The following LYG1 variants were observed in gnomAD, a reference collection of about 807,000 sequenced individuals.
The protein encoded by LYG1 is lysozyme g1, also known as lysozyme g-like protein 1.
A neutral mutation model predicts 21.7 loss-of-function variants in LYG1; 17 were observed. The observed-to-expected ratio is 0.78, with a 90% CI of 0.54 to 1.18. The LOEUF is 1.18. Ranked by LOEUF, LYG1 falls within the 50% of genes most tolerant of loss-of-function variation. LYG1 has a pLI of 0.00. For synonymous variants in LYG1, 81 were observed against 87.4 expected (o/e 0.93, Z 0.41); for missense variants, 211 against 238.1 (o/e 0.89, Z 0.75).
At chr2:99,296,723 G>A (rs1470250590) in intron 2 of LYG1, among the ~76,000 whole-genome samples, 1 of 152,166 alleles carries the variant, frequency 6.6e-6, no homozygotes, top group Non-Finnish European at 1.5e-5. Flanking sequence ...ATTACATGTA[G>A]GAATGTGCAT....
chr2:99,291,221 AC>A lies in LYG1; in HGVS notation c.333+15del, dbSNP rs1250148364. Reference sequence around the variant, plus strand: ...CATAGCAGAATGGCCACATGTGTCAACGGATGAAGAGTTACCTGCACCATGC... The same window carrying A: ...CATAGCAGAATGGCCACATGTGTCAAGGATGAAGAGTTACCTGCACCATGC... On this transcript the variant is annotated intron_variant, in intron 5 of 6. Transcript: ENST00000308528. The A allele has an allele frequency of 6.2e-7, 1 of 1,610,744 alleles. No individual in the cohort carries two copies. The highest frequency in any genetic ancestry group is 8.5e-7 in the Non-Finnish European group (1 of 1,177,870).
chr2:99,293,908 CTT>C (rs1491117310), intron 3 of LYG1, among the ~76,000 whole-genome samples: 1 of 151,944 alleles, frequency 6.6e-6, no homozygotes. Flanking sequence ...TTAGATTACT[CTT>C]TAATTAATTA....
Position 99,298,717 on chromosome 2 carries a change from G to A in LYG1, c.-123-168C>T, listed in dbSNP as rs140151271. On this transcript the variant is annotated intron_variant, in intron 1 of 6. Transcript: ENST00000308528. Reference sequence around the variant, plus strand: ...TAACACCTCAACGTGCCCAATGAAGGTGCCCCTGCCCCATTGTGGTGTCCC... The same window carrying A: ...TAACACCTCAACGTGCCCAATGAAGATGCCCCTGCCCCATTGTGGTGTCCC... 2.3e-3 allele frequency among the ~76,000 whole-genome samples: 348 copies of A among 152,102 alleles called. 4 individuals are homozygous for A. Among genetic ancestry groups the A allele is most frequent in the African/African-American group, 8.1e-3 (338 of 41,480 alleles).
rs771099674 is a variant in LYG1, at chr2:99,291,291, C to G, written c.279G>C (p.Lys93Asn). The change falls in exon 5 of 7, where the codon AAG (lysine) becomes AAC (asparagine). Residue 93 changes from lysine to asparagine, a missense_variant. Transcript: ENST00000308528. ...TGACCAGAATTTTGTCACCGGGAGACTTCCTGGACAAGACACCAGCGATCA... is the reference window on the plus strand; with the variant it reads ...TGACCAGAATTTTGTCACCGGGAGAGTTCCTGGACAAGACACCAGCGATCA... The part of the protein sequence containing the change: ...PAVIAGVLSR[K>N]SPGDKILVNM... The G allele has an allele frequency of 1.9e-6, 3 of 1,613,414 alleles. No individual in the cohort carries two copies. The African/African-American group carries it at 4.0e-5, about 22-fold the overall frequency.
chr2:99,285,595 G>A lies in LYG1; in HGVS notation c.334-775C>T, dbSNP rs540653981. On this transcript the variant is annotated intron_variant, in intron 5 of 6. Transcript: ENST00000308528. ...CACAACAATAGCGCATGTGCATCCC[G>A]GAGACCCTGAAACATGCTTAACAGC... Among the ~76,000 whole-genome samples the A allele has an allele frequency of 3.8e-4, 58 of 152,240 alleles. No individual in the cohort carries two copies. The South Asian group carries it at 0.011, about 28-fold the overall frequency.
At chr2:99,295,919 C>G (rs1199113912) in intron 2 of LYG1, among the ~76,000 whole-genome samples, 1 of 152,018 alleles carries the variant, frequency 6.6e-6, no homozygotes, top group Non-Finnish European at 1.5e-5. Flanking sequence ...AAGACTCTTA[C>G]TCAGCCCACA....
chr2:99,299,575 C>A (rs1338851916), intron 1 of LYG1, among the ~76,000 whole-genome samples: 1 of 150,828 alleles, frequency 6.6e-6, no homozygotes, highest in Non-Finnish European at 1.5e-5. Flanking sequence ...CAGCCCTGTG[C>A]CACCACGCCC....
Position 99,284,459 on chromosome 2 carries a change from G to A in LYG1, c.519C>T (p.Asp173=). 1 of 1,614,176 alleles carries A rather than the reference G, an allele frequency of 6.2e-7. No individual in the cohort carries two copies. Among genetic ancestry groups the A allele is most frequent in the Non-Finnish European group, 8.5e-7 (1 of 1,180,028 alleles). The change falls in exon 7 of 7, where the codon GAC becomes GAT. Residue 173 remains aspartate, a synonymous_variant. Transcript: ENST00000308528. ...CATCATTGCAGAAGTCACAGCTCAG[G>A]TCCTGGCTGCTTCGGACATAGCCAG... ...GGAGYVRSSQ[D]LSCDFCNDVL...
chr2:99,301,724 A>C (rs1385224582), upstream of LYG1, among the ~76,000 whole-genome samples: 1 of 150,572 alleles, frequency 6.6e-6, no homozygotes, highest in Non-Finnish European at 1.5e-5. Context: ...TTCCAAAAAA[A>C]AAACTTTCTT....
At chr2:99,289,855 G>GTTT (rs1193207941) in intron 5 of LYG1, among the ~76,000 whole-genome samples, 1 of 151,922 alleles carries the variant, frequency 6.6e-6, no homozygotes, top group Non-Finnish European at 1.5e-5. Flanking sequence ...TGTTGTTGTT[G>GTTT]TTGTTGTTGT....
intron 5 of LYG1, among the ~76,000 whole-genome samples, chr2:99,289,940 C>T (rs1047021010): frequency 3.3e-5 from 5 of 152,038 alleles, no homozygotes; most frequent in African/African-American, 1.2e-4. Context: ...CTCACTGCAA[C>T]CTCTACCCCC....
At chr2:99,288,284 AACAT>A (rs1559218238) in intron 5 of LYG1, among the ~76,000 whole-genome samples, 1 of 152,066 alleles carries the variant, frequency 6.6e-6, no homozygotes, top group East Asian at 1.9e-4. Context: ...CATAGTTATC[AACAT>A]TATTTTGATT....
intron 5 of LYG1, among the ~76,000 whole-genome samples, chr2:99,286,215 TGTAA>T (rs1455113213): frequency 6.6e-6 from 1 of 152,198 alleles, no homozygotes; most frequent in African/African-American, 2.4e-5. Context: ...CCTCCAGAAC[TGTAA>T]GTAATAAATT....
Position 99,284,628 on chromosome 2 carries a change from A to G in LYG1, c.466+60T>C. On this transcript the variant is annotated intron_variant, in intron 6 of 6. Transcript: ENST00000308528. ...AGTTTCGGGGAATCTGGTGCAATGTATTATATTTGTCCCTATTAATTCTGT... is the reference window on the plus strand; with the variant it reads ...AGTTTCGGGGAATCTGGTGCAATGTGTTATATTTGTCCCTATTAATTCTGT... 7.5e-6 allele frequency: 12 copies of G among 1,601,012 alleles called. No homozygotes were observed. In the South Asian group the frequency reaches 1.0e-4, roughly 13 times the overall value.
rs550128779 is a variant in LYG1, at chr2:99,284,415, T to A, written c.563A>T (p.Tyr188Phe). Reference protein sequence around the residue: ...FCNDVLARAKYLKRHGF With the variant: ...FCNDVLARAKFLKRHGF ...ATGTTAGAAGCCATGTCTCTTGAGG[T>A]ACTTGGCTCGTGCAAGGACATCATT... The change falls in exon 7 of 7, where the codon TAC becomes TTC. Residue 188 changes from tyrosine to phenylalanine, a missense_variant. By Grantham distance (22) the Tyr-to-Phe change is conservative. Coordinates refer to ENST00000308528, the MANE Select transcript of LYG1 (RefSeq NM_174898.3). 4 of 1,614,146 alleles carry A rather than the reference T, an allele frequency of 2.5e-6. No homozygotes were observed. Among genetic ancestry groups the A allele is most frequent in the Non-Finnish European group, 3.4e-6 (4 of 1,179,974 alleles).
At chr2:99,304,658 AG>A (rs1267604448), upstream of LYG1, 1 of 152,334 alleles carries the variant, frequency 6.6e-6, no homozygotes, top group East Asian at 1.9e-4. Flanking sequence ...ATGAAGTTTT[AG>A]GCTGGGTGGA....
intron 2 of LYG1, among the ~76,000 whole-genome samples, chr2:99,298,104 G>T (rs2105301527): frequency 6.6e-6 from 1 of 152,322 alleles, no homozygotes; most frequent in African/African-American, 2.4e-5. Flanking sequence ...CTTTACAAGT[G>T]ACGAAAAGTA....
intron 2 of LYG1, among the ~76,000 whole-genome samples, chr2:99,297,799 T>G (rs1418686594): frequency 6.6e-6 from 1 of 152,176 alleles, no homozygotes; most frequent in Non-Finnish European, 1.5e-5. Flanking sequence ...ACTGCAGCCT[T>G]GACCTCCTGG....
At chr2:99,297,299 A>C (rs1163000961) in intron 2 of LYG1, among the ~76,000 whole-genome samples, 1 of 152,110 alleles carries the variant, frequency 6.6e-6, no homozygotes, top group Non-Finnish European at 1.5e-5. Flanking sequence ...GAGGACAACC[A>C]ATCCCAGGAG....
Sources: allele counts gnomAD v4.1 joint callset (sites outside exome capture counted in the v4.1 genomes callset), GRCh38; gene constraint gnomAD v4.1.1; transcripts MANE v1.5; gene names NCBI Gene and HGNC (gene_info 2026-07-23, HGNC 2026-07-21).